The following RALGAPB variants were observed in gnomAD, a reference collection of about 807,000 sequenced individuals.
RALGAPB encodes the protein ral GTPase-activating protein subunit beta.
RALGAPB carries 25 observed loss-of-function variants against 161.1 expected under a neutral mutation model. The observed-to-expected ratio is 0.16, with a 90% CI of 0.11 to 0.22. RALGAPB has a LOEUF of 0.22. Ranked by LOEUF, RALGAPB falls within the 10% of genes least tolerant of loss-of-function variation. RALGAPB has a pLI of 1.00. For missense variants in RALGAPB, 1,391 were observed against 1,815.2 expected (o/e 0.77, Z 4.25); for synonymous variants, 629 against 626.1 (o/e 1.00, Z -0.07).
intron 1 of RALGAPB, among the ~76,000 whole-genome samples, chr20:38,479,092 C>T (rs2084889540): frequency 6.6e-6 from 1 of 152,204 alleles, no homozygotes; most frequent in Admixed American, 6.5e-5. Flanking sequence ...TGTCGTAACT[C>T]ATCAGTTACC....
chr20:38,512,308 A>T (rs1317433856), intron 6 of RALGAPB, among the ~76,000 whole-genome samples: 1 of 152,240 alleles, frequency 6.6e-6, no homozygotes, highest in South Asian at 2.1e-4. Flanking sequence ...TTTTCTAATA[A>T]TTCATACTTG....
chr20:38,491,371 C>CT (rs2085274856), intron 2 of RALGAPB, among the ~76,000 whole-genome samples: 1 of 151,788 alleles, frequency 6.6e-6, no homozygotes, highest in African/African-American at 2.4e-5. Flanking sequence ...TTGGCAGAGC[C>CT]TTTGGCATGC....
intron 9 of RALGAPB, among the ~76,000 whole-genome samples, chr20:38,519,290 G>T (rs1164698025): frequency 1.3e-5 from 2 of 151,984 alleles, no homozygotes; most frequent in Non-Finnish European, 1.5e-5. Flanking sequence ...TGACTATTGG[G>T]TTATTCTTGT....
At chr20:38,536,495 G>GA (rs2086810488) in intron 16 of RALGAPB, among the ~76,000 whole-genome samples, 1 of 152,190 alleles carries the variant, frequency 6.6e-6, no homozygotes, top group Non-Finnish European at 1.5e-5. Flanking sequence ...ACTAGGAGCA[G>GA]AATTACTGGG....
In RALGAPB at chr20:38,524,866, T is replaced by C. The variant is rs1252132755; in HGVS notation, c.1708T>C (p.Leu570=). The C allele has an allele frequency of 6.2e-7, 1 of 1,607,978 alleles. No homozygotes were observed. Among genetic ancestry groups the C allele is most frequent in the African/African-American group, 1.3e-5 (1 of 74,804 alleles). Residue 570 remains leucine, a synonymous_variant, in exon 11 of 30, where the codon TTG becomes CTG. Transcript: ENST00000262879. ...CAGCGTTATTCTAAACTCTCCTCCT[T>C]TGTTCTGCTGTGACTTGAAAGGGAT... ...LASVILNSPP[L]FCCDLKGIDV... is the part of the protein sequence containing the mutation.
At chr20:38,553,795 A>AAAAC in intron 21 of RALGAPB, 72 bp from the exon 22 acceptor site, 1 of 898,748 alleles carries the variant, frequency 1.1e-6, no homozygotes, top group Admixed American at 3.0e-5. Context: ...AAAAAAAAAA[A>AAAAC]AAAAAACACT....
intron 24 of RALGAPB, among the ~76,000 whole-genome samples, chr20:38,564,945 C>T (rs1340074223): frequency 6.8e-6 from 1 of 146,954 alleles, no homozygotes; most frequent in Non-Finnish European, 1.5e-5. Flanking sequence ...CTCTTCCCCC[C>T]TCTCTCTCTC....
rs1488808139 is a variant in RALGAPB at position 38,525,298 on chromosome 20, A to C, written c.1788-106A>C. 1.9e-5 allele frequency: 15 copies of C among 773,274 alleles called. No homozygotes were observed. In the East Asian group the frequency reaches 3.8e-4, roughly 20 times the overall value. The allele number at this position is 773,274 out of a possible 1,614,324, so 47.9% of individuals were successfully genotyped here. A position where few individuals can be genotyped will look rare whatever the true frequency, so the allele number is the denominator to read the frequency against. On this transcript the variant is annotated intron_variant, in intron 11 of 29. Coordinates refer to ENST00000262879, the MANE Select transcript of RALGAPB (RefSeq NM_020336.4). Reference sequence around the variant, plus strand: ...TTTAACTTAGAAATATACAATATACAAATACACAATGCTTGGATTTGGAAA... The same window carrying C: ...TTTAACTTAGAAATATACAATATACCAATACACAATGCTTGGATTTGGAAA...
intron 19 of RALGAPB, chr20:38,547,975 A>G (rs1019693553): frequency 1.3e-5 from 2 of 152,204 alleles, no homozygotes; most frequent in African/African-American, 2.4e-5. Flanking sequence ...TTCATTGCAT[A>G]GGAAGTGTAC....
chr20:38,563,541 T>TA (rs896769598), intron 24 of RALGAPB, among the ~76,000 whole-genome samples: 1 of 152,202 alleles, frequency 6.6e-6, no homozygotes, highest in Admixed American at 6.5e-5. Flanking sequence ...AGTATAAACT[T>TA]AAACTTAAGA....
At chr20:38,540,727 C>T (rs1417554966) in intron 17 of RALGAPB, among the ~76,000 whole-genome samples, 3 of 152,070 alleles carry the variant, frequency 2.0e-5, no homozygotes, top group African/African-American at 4.8e-5. Flanking sequence ...CCAAGCTTAA[C>T]TGAATTACTA....
chr20:38,561,976 A>G (rs2057593836), intron 23 of RALGAPB, among the ~76,000 whole-genome samples: 1 of 152,254 alleles, frequency 6.6e-6, no homozygotes, highest in African/African-American at 2.4e-5. Context: ...TTTAGTGCTT[A>G]GTGAAGAGGA....
At chr20:38,566,643 G>A (rs2088010712) in intron 25 of RALGAPB, among the ~76,000 whole-genome samples, 1 of 152,190 alleles carries the variant, frequency 6.6e-6, no homozygotes, top group Non-Finnish European at 1.5e-5. Context: ...ACAGAGACTA[G>A]ATCTTCTGTA....
intron 16 of RALGAPB, 74 bp downstream of exon 16, chr20:38,535,281 C>T (rs1334281160): frequency 6.7e-7 from 1 of 1,495,282 alleles, no homozygotes; most frequent in African/African-American, 1.4e-5. Context: ...CTCTTAACCC[C>T]TTGTGTGGGT....
At chr20:38,549,373 A>G (rs2145427949) in intron 20 of RALGAPB, among the ~76,000 whole-genome samples, 1 of 151,858 alleles carries the variant, frequency 6.6e-6, no homozygotes. Context: ...GACTGTAGGC[A>G]CATGCCATGG....
At chr20:38,498,333 G>A (rs1373986218) in intron 4 of RALGAPB, among the ~76,000 whole-genome samples, 1 of 152,172 alleles carries the variant, frequency 6.6e-6, no homozygotes, top group Non-Finnish European at 1.5e-5. Flanking sequence ...ATAGCACAGT[G>A]TATATAAACT....
chr20:38,546,098 C>T, intron 18 of RALGAPB, 145 bp from the exon 19 acceptor site: 1 of 1,400,300 alleles, frequency 7.1e-7, no homozygotes, highest in South Asian at 1.4e-5. Flanking sequence ...CCATGGCATT[C>T]ACCACAAGGA....
chr20:38,571,827 A>T (rs1036527752), intron 28 of RALGAPB, among the ~76,000 whole-genome samples: 3 of 152,198 alleles, frequency 2.0e-5, no homozygotes, highest in African/African-American at 7.2e-5. Flanking sequence ...CCAACAGCAT[A>T]CAAGGGGATT....
chr20:38,550,009 T>G (rs959849264), intron 20 of RALGAPB, among the ~76,000 whole-genome samples: 1 of 152,082 alleles, frequency 6.6e-6, no homozygotes, highest in Admixed American at 6.5e-5. Context: ...ATGGATGAAA[T>G]TGGAAATCAT....
Sources: allele counts gnomAD v4.1 joint callset (sites outside exome capture counted in the v4.1 genomes callset), GRCh38; gene constraint gnomAD v4.1.1; transcripts MANE v1.5; gene names NCBI Gene and HGNC (gene_info 2026-07-23, HGNC 2026-07-21).